Variants in ARB2A observed in about 807,000 individuals in gnomAD.
The protein encoded by ARB2A is ARB2 cotranscriptional regulator A, also known as cotranscriptional regulator ARB2A.
At chr5:94,044,117 G>A in the ARB2A span, among the ~76,000 whole-genome samples, 9 of 152,172 alleles carry the variant, frequency 5.9e-5, no homozygotes, top group South Asian at 1.4e-3. Context: ...CAAGAGGGTT[G>A]GGTAACGTAA....
the ARB2A span, among the ~76,000 whole-genome samples, chr5:93,928,653 T>C: frequency 2.0e-5 from 3 of 152,180 alleles, no homozygotes; most frequent in Non-Finnish European, 4.4e-5. Context: ...AGTTAAGTAA[T>C]CTACTTTAAA....
At chr5:93,739,246 A>AAAG in the ARB2A span, 33 of 152,106 alleles carry the variant, frequency 2.2e-4, no homozygotes, top group African/African-American at 7.0e-4. Flanking sequence ...ACCAGAAAAA[A>AAAG]AAAGAAAGAA....
chr5:94,068,974 G>T, the ARB2A span, among the ~76,000 whole-genome samples: 2 of 151,626 alleles, frequency 1.3e-5, no homozygotes, highest in African/African-American at 4.8e-5. Context: ...GGCAGAGGTT[G>T]CAGTGAGCCG....
the ARB2A span, among the ~76,000 whole-genome samples, chr5:94,014,718 G>C: frequency 6.6e-6 from 1 of 151,620 alleles, no homozygotes; most frequent in Non-Finnish European, 1.5e-5. Flanking sequence ...AAAATCAAAT[G>C]AAAATCTTGG....
chr5:93,717,440 CTTT>C, the ARB2A span, among the ~76,000 whole-genome samples: 19 of 107,362 alleles, frequency 1.8e-4, no homozygotes, highest in African/African-American at 4.0e-4. Flanking sequence ...ACCACAGTTG[CTTT>C]TTTTTTTTTT....
chr5:93,839,427 T>C, the ARB2A span, among the ~76,000 whole-genome samples: 3 of 152,080 alleles, frequency 2.0e-5, no homozygotes, highest in Non-Finnish European at 4.4e-5. Flanking sequence ...GCTGCTGGAT[T>C]TGGTTTGCTA....
chr5:93,968,813 G>A, the ARB2A span, among the ~76,000 whole-genome samples: 3 of 151,990 alleles, frequency 2.0e-5, no homozygotes, highest in South Asian at 6.2e-4. Context: ...GGGGAAGGGT[G>A]GAAATTTACT....
the ARB2A span, among the ~76,000 whole-genome samples, chr5:93,884,236 CA>C: frequency 1.3e-5 from 2 of 151,302 alleles, no homozygotes; most frequent in African/African-American, 2.4e-5. Flanking sequence ...ATTACTTAAT[CA>C]AAAAAATAAT....
At chr5:93,624,503 T>A in the ARB2A span, among the ~76,000 whole-genome samples, 1 of 152,224 alleles carries the variant, frequency 6.6e-6, no homozygotes, top group Non-Finnish European at 1.5e-5. Context: ...TTGGTCTAAC[T>A]GGATAATTCA....
the ARB2A span, among the ~76,000 whole-genome samples, chr5:93,718,388 G>A: frequency 2.0e-5 from 3 of 152,090 alleles, no homozygotes; most frequent in Non-Finnish European, 4.4e-5. Context: ...GCAGTGAGCC[G>A]AGATTGTGCC....
chr5:93,844,204 G>C, the ARB2A span, among the ~76,000 whole-genome samples: 1 of 152,022 alleles, frequency 6.6e-6, no homozygotes, highest in African/African-American at 2.4e-5. Flanking sequence ...AGCACTTTGG[G>C]AGGCCCAGGC....
At chr5:94,006,557 A>G in the ARB2A span, among the ~76,000 whole-genome samples, 443 of 152,342 alleles carry the variant, frequency 2.9e-3, 5 homozygotes, top group Non-Finnish European at 5.7e-4. Flanking sequence ...CAATCTCTAC[A>G]TTATTTCTTA....
chr5:93,749,419 C>G, the ARB2A span, among the ~76,000 whole-genome samples: 1 of 152,108 alleles, frequency 6.6e-6, no homozygotes, highest in Non-Finnish European at 1.5e-5. Flanking sequence ...ATCTTGTTGT[C>G]TGGGGAATTG....
chr5:94,095,027 A>G, the ARB2A span, among the ~76,000 whole-genome samples: 10 of 152,220 alleles, frequency 6.6e-5, no homozygotes, highest in African/African-American at 2.4e-4. Flanking sequence ...CAATACACAC[A>G]GAGTATGGCC....
chr5:93,643,642 G>A, the ARB2A span, among the ~76,000 whole-genome samples: 1 of 152,034 alleles, frequency 6.6e-6, no homozygotes, highest in African/African-American at 2.4e-5. Flanking sequence ...TTACAGGCAT[G>A]TACCATCATG....
chr5:93,876,288 A>G, the ARB2A span, among the ~76,000 whole-genome samples: 3 of 152,154 alleles, frequency 2.0e-5, no homozygotes, highest in Admixed American at 6.5e-5. Flanking sequence ...TGTTTTTGAG[A>G]ACAAAAAATT....
At chr5:94,047,439 C>CCGAG in the ARB2A span, among the ~76,000 whole-genome samples, 1 of 150,280 alleles carries the variant, frequency 6.7e-6, no homozygotes, top group Admixed American at 6.6e-5. Flanking sequence ...TTGCAGTGAG[C>CCGAG]CGAGGGTGAG....
At chr5:94,063,362 G>A in the ARB2A span, among the ~76,000 whole-genome samples, 5 of 152,200 alleles carry the variant, frequency 3.3e-5, no homozygotes, top group Admixed American at 2.0e-4. Flanking sequence ...GCAGGCCTGG[G>A]CACTGTCCTG....
chr5:93,795,089 G>GT, the ARB2A span, among the ~76,000 whole-genome samples: 53 of 152,142 alleles, frequency 3.5e-4, no homozygotes, highest in Admixed American at 3.4e-3. Flanking sequence ...AGGGATAGGT[G>GT]TGTCTGAGCT....
Sources: allele counts gnomAD v4.1 joint callset (sites outside exome capture counted in the v4.1 genomes callset), GRCh38; gene constraint gnomAD v4.1.1; transcripts MANE v1.5; gene names NCBI Gene and HGNC (gene_info 2026-07-23, HGNC 2026-07-21).